The following ZNF143 variants were observed in gnomAD, a reference collection of about 807,000 sequenced individuals.
ZNF143 encodes SPH-binding factor.
ZNF143 carries 49 observed loss-of-function variants against 74.1 expected under a neutral mutation model. That is an observed-to-expected ratio of 0.66 (90% confidence interval 0.53 to 0.84). The LOEUF is 0.84. Among genes scored for constraint, ZNF143 ranks in the 40% least tolerant of loss-of-function variants. The pLI, the probability that ZNF143 is intolerant of heterozygous loss-of-function variation, is 0.00. For synonymous variants in ZNF143, 304 were observed against 282.8 expected, an observed-to-expected ratio of 1.07 and a Z score of -0.75; for missense variants, 637 against 793.4, an observed-to-expected ratio of 0.80 and a Z score of 2.37.
intron 8 of ZNF143, 42 bp from the exon 9 acceptor site, chr11:9,496,261 A>G (rs1468377751): frequency 6.6e-7 from 1 of 1,515,324 alleles, no homozygotes; most frequent in East Asian, 2.3e-5. Context: ...TTCCTGAGGA[A>G]TACGTAAAGG....
intron 2 of ZNF143, among the ~76,000 whole-genome samples, chr11:9,472,395 A>G (rs1856631504): frequency 1.3e-5 from 2 of 152,182 alleles, no homozygotes; most frequent in South Asian, 4.1e-4. Context: ...TGGGACTACA[A>G]GGTGCATGCC....
chr11:9,478,889 G>GA lies in ZNF143; in HGVS notation c.570+312dup, dbSNP rs373341837. On this transcript the variant is annotated intron_variant, in intron 6 of 15. Transcript: ENST00000396602. ...TCTTAAGTGAAGTGTGGAAAGATTGGAAAAAAAAAGGGAATGGAGTAAAGA... is the reference window on the plus strand; with the variant it reads ...TCTTAAGTGAAGTGTGGAAAGATTGGAAAAAAAAAAGGGAATGGAGTAAAGA... Among the ~76,000 whole-genome samples the GA allele has an allele frequency of 3.6e-4, 54 of 149,818 alleles. 1 individual carries two copies. Among genetic ancestry groups the GA allele is most frequent in the African/African-American group, 1.1e-3 (45 of 40,900 alleles).
intron 1 of ZNF143, among the ~76,000 whole-genome samples, chr11:9,462,437 G>C (rs1469960728): frequency 6.6e-6 from 1 of 151,952 alleles, no homozygotes; most frequent in African/African-American, 2.4e-5. Flanking sequence ...ATCAGCGTGT[G>C]CCTGTAGTCC....
In ZNF143 at chr11:9,491,448, A is replaced by C. The variant is rs191455155; in HGVS notation, c.646-3198A>C. Among the ~76,000 whole-genome samples, 1,421 of 152,092 alleles carry C rather than the reference A, an allele frequency of 9.3e-3. 10 individuals are homozygous for C. The highest frequency in any genetic ancestry group is 0.013 in the Non-Finnish European group (865 of 67,974). On this transcript the variant is annotated intron_variant, in intron 7 of 15. Coordinates refer to ENST00000396602, the MANE Select transcript of ZNF143 (RefSeq NM_003442.6). Reference sequence around the variant, plus strand: ...TCAGGAGTTCAAGACCATCCTGGCTAACACGGTGAAACCCCGTCTCTACTA... The same window carrying C: ...TCAGGAGTTCAAGACCATCCTGGCTCACACGGTGAAACCCCGTCTCTACTA...
intron 14 of ZNF143, among the ~76,000 whole-genome samples, chr11:9,516,819 A>G (rs1237040473): frequency 1.3e-5 from 2 of 152,184 alleles, no homozygotes; most frequent in African/African-American, 2.4e-5. Context: ...CAGATAATCA[A>G]CTTTTATCAG....
intron 12 of ZNF143, 115 bp from the exon 13 acceptor site, chr11:9,512,333 G>T: frequency 7.4e-7 from 1 of 1,357,608 alleles, no homozygotes; most frequent in South Asian, 1.6e-5. Flanking sequence ...TCGTGACTTA[G>T]AATATAATAC....
At chr11:9,527,421 G>A (rs1849168501) in intron 15 of ZNF143, 109 bp from the exon 16 acceptor site, 6 of 976,328 alleles carry the variant, frequency 6.1e-6, no homozygotes, top group South Asian at 1.4e-5. Flanking sequence ...AATCCCAAGT[G>A]TCAGAATTAC....
chr11:9,464,747 C>T (rs1369818955), intron 1 of ZNF143, among the ~76,000 whole-genome samples: 1 of 151,794 alleles, frequency 6.6e-6, no homozygotes, highest in Admixed American at 6.6e-5. Flanking sequence ...TGGTGAAATC[C>T]CGTCTCTACT....
chr11:9,521,101 C>G (rs779966859), intron 14 of ZNF143, among the ~76,000 whole-genome samples: 7 of 152,126 alleles, frequency 4.6e-5, no homozygotes, highest in Non-Finnish European at 8.8e-5. Context: ...ATGAACACCC[C>G]CACCAGAGGA....
Position 9,479,445 on chromosome 11 carries a change from TTTTAAAGC to T in ZNF143, c.571-22_571-15del. The T allele has an allele frequency of 6.3e-7, 1 of 1,587,774 alleles. No individual in the cohort carries two copies. The highest frequency in any genetic ancestry group is 8.6e-7 in the Non-Finnish European group (1 of 1,163,392). ...TAAACCATTATCAAAATGTAAAACA[TTTTAAAGC>T]TTTATTTTATTCCTATAGGTGTCCA... On this transcript the variant is annotated intron_variant, in intron 6 of 15. Transcript: ENST00000396602.
At chr11:9,525,949 C>T (rs949387081) in intron 15 of ZNF143, among the ~76,000 whole-genome samples, 1 of 152,050 alleles carries the variant, frequency 6.6e-6, no homozygotes, top group Non-Finnish European at 1.5e-5. Flanking sequence ...AGAGACCAGC[C>T]TGGGCAACAT....
chr11:9,493,273 T>C lies in ZNF143; in HGVS notation c.646-1373T>C, dbSNP rs188856539. ...TTTTAGTAGAGATGAGGTTTCACCATGTTAGCCAGGATGGTCTCGATCTCT... is the reference window on the plus strand; with the variant it reads ...TTTTAGTAGAGATGAGGTTTCACCACGTTAGCCAGGATGGTCTCGATCTCT... On this transcript the variant is annotated intron_variant, in intron 7 of 15. Coordinates refer to ENST00000396602, the MANE Select transcript of ZNF143 (RefSeq NM_003442.6). 4.7e-3 allele frequency among the ~76,000 whole-genome samples: 715 copies of C among 152,158 alleles called. 6 individuals are homozygous for C. The highest frequency in any genetic ancestry group is 0.017 in the African/African-American group (686 of 41,538).
chr11:9,470,953 A>G (rs766512330), intron 1 of ZNF143, among the ~76,000 whole-genome samples: 3 of 152,054 alleles, frequency 2.0e-5, no homozygotes, highest in Admixed American at 6.6e-5. Context: ...TAAGTCAACA[A>G]AATATGCTGA....
chr11:9,508,218 A>G (rs1848427866), intron 11 of ZNF143, among the ~76,000 whole-genome samples: 1 of 152,206 alleles, frequency 6.6e-6, no homozygotes, highest in African/African-American at 2.4e-5. Flanking sequence ...CTTTTTTATT[A>G]TCTTTATGAA....
intron 1 of ZNF143, among the ~76,000 whole-genome samples, chr11:9,465,127 A>G (rs538055538): frequency 2.6e-5 from 4 of 152,176 alleles, no homozygotes; most frequent in Non-Finnish European, 5.9e-5. Context: ...GCTAGAGAAT[A>G]AAACCAGGAA....
chr11:9,513,603 A>G (rs973615078), intron 13 of ZNF143, among the ~76,000 whole-genome samples: 5 of 152,242 alleles, frequency 3.3e-5, no homozygotes, highest in Admixed American at 2.0e-4. Flanking sequence ...TTTCTGTCTT[A>G]GGCAATCTGG....
At position 9,478,552 on chromosome 11, in the gene ZNF143, A is replaced by G. The variant is rs1373719028; in HGVS notation, c.536A>G (p.Asp179Gly). The G allele has an allele frequency of 6.2e-7, 1 of 1,614,178 alleles. No individual in the cohort carries two copies. Among genetic ancestry groups the G allele is most frequent in the Admixed American group, 1.7e-5 (1 of 60,014 alleles). ...LHTGDATIDP[D>G]TISALEQYAA... Reference sequence around the variant, plus strand: ...ACTGGGGATGCTACAATTGACCCTGACACCATCAGTGCTTTGGAACAGTAT... The same window carrying G: ...ACTGGGGATGCTACAATTGACCCTGGCACCATCAGTGCTTTGGAACAGTAT... Residue 179 changes from aspartate (D) to glycine (G), a missense_variant, in exon 6 of 16, where the codon GAC (aspartate) becomes GGC (glycine). Asp to Gly is a moderately conservative substitution (Grantham distance 94). This residue lies in a region of ZNF143 where 293 missense variants were observed against 307.8 expected (regional missense o/e 0.95). Coordinates refer to ENST00000396602, the MANE Select transcript of ZNF143 (RefSeq NM_003442.6).
At chr11:9,500,857 A>G (rs1848133069) in intron 10 of ZNF143, among the ~76,000 whole-genome samples, 1 of 151,878 alleles carries the variant, frequency 6.6e-6, no homozygotes, top group Non-Finnish European at 1.5e-5. Context: ...TCCATCTTGG[A>G]GAGCTATGTA....
chr11:9,506,492 A>T (rs903372424), intron 11 of ZNF143, among the ~76,000 whole-genome samples: 4 of 152,244 alleles, frequency 2.6e-5, no homozygotes, highest in African/African-American at 9.6e-5. Context: ...GTGCTCTCAA[A>T]TGAGTCTGCA....
Sources: allele counts gnomAD v4.1 joint callset (sites outside exome capture counted in the v4.1 genomes callset), GRCh38; gene constraint gnomAD v4.1.1; regional missense constraint gnomAD v4.1.1; transcripts MANE v1.5; gene names NCBI Gene and HGNC (gene_info 2026-07-23, HGNC 2026-07-21).